Variants in ADAM22 observed in about 807,000 individuals in gnomAD.
ADAM22 encodes the protein disintegrin and metalloproteinase domain-containing protein 22.
A neutral mutation model predicts 144.6 loss-of-function variants in ADAM22; 65 were observed. That is an observed-to-expected ratio of 0.45 (90% CI 0.37 to 0.55). ADAM22 has a LOEUF of 0.55. Ranked by LOEUF, ADAM22 falls within the 20% of genes least tolerant of loss-of-function variation. The probability of loss-of-function intolerance (pLI) is 0.00; values close to 1 mark genes in which losing one functional copy is unlikely to be tolerated. For synonymous variants in ADAM22, 391 were observed against 412.6 expected (o/e 0.95, Z 0.63); for missense variants, 974 against 1,184.9 (o/e 0.82, Z 2.61).
chr7:87,963,617 G>A (rs1420192758), intron 2 of ADAM22, among the ~76,000 whole-genome samples: 1 of 152,064 alleles, frequency 6.6e-6, no homozygotes, highest in Admixed American at 6.6e-5. Flanking sequence ...TACAGAGTCC[G>A]ATTTATTCAG....
chr7:88,011,989 G>A (rs1033270294), intron 3 of ADAM22, among the ~76,000 whole-genome samples: 1 of 150,830 alleles, frequency 6.6e-6, no homozygotes, highest in East Asian at 1.9e-4. Context: ...TCACACCTTT[G>A]GAGATTGTCC....
intron 26 of ADAM22, 34 bp downstream of exon 26, chr7:88,171,595 A>C: frequency 6.4e-7 from 1 of 1,555,080 alleles, no homozygotes; most frequent in Non-Finnish European, 8.7e-7. Context: ...CATAAAACTG[A>C]AAGGTTTGAC....
intron 7 of ADAM22, among the ~76,000 whole-genome samples, chr7:88,121,666 C>A (rs1378728526): frequency 6.6e-6 from 1 of 152,060 alleles, no homozygotes; most frequent in Non-Finnish European, 1.5e-5. Context: ...GGCTGCCCCC[C>A]ACCAACCTGG....
intron 3 of ADAM22, among the ~76,000 whole-genome samples, chr7:88,058,353 T>C (rs1349019994): frequency 3.9e-5 from 6 of 152,246 alleles, no homozygotes; most frequent in Non-Finnish European, 5.9e-5. Context: ...TTTTGTTTTA[T>C]TTTGTTTCAC....
intron 3 of ADAM22, among the ~76,000 whole-genome samples, chr7:87,999,281 T>C (rs1791969891): frequency 6.6e-6 from 1 of 152,200 alleles, no homozygotes; most frequent in Non-Finnish European, 1.5e-5. Context: ...GAAGATAACA[T>C]TTATGAAACA....
chr7:88,189,763 G>A (rs1466185808), intron 30 of ADAM22, among the ~76,000 whole-genome samples: 1 of 152,054 alleles, frequency 6.6e-6, no homozygotes, highest in East Asian at 1.9e-4. Context: ...GGCCAACATG[G>A]TGAAACCCCA....
intron 4 of ADAM22, among the ~76,000 whole-genome samples, chr7:88,104,173 A>G (rs1202642049): frequency 6.6e-6 from 1 of 152,162 alleles, no homozygotes; most frequent in Non-Finnish European, 1.5e-5. Context: ...ATGGAATAGT[A>G]TGCCATCATT....
At chr7:88,002,766 G>A (rs765245883) in intron 3 of ADAM22, among the ~76,000 whole-genome samples, 1 of 152,154 alleles carries the variant, frequency 6.6e-6, no homozygotes, top group Non-Finnish European at 1.5e-5. Flanking sequence ...ATCATAGTTA[G>A]TGATACTAAC....
chr7:88,084,677 A>G (rs1421286189), intron 4 of ADAM22, among the ~76,000 whole-genome samples: 4 of 152,200 alleles, frequency 2.6e-5, no homozygotes, highest in African/African-American at 7.2e-5. Flanking sequence ...TTAATACATT[A>G]TAAATCAAAG....
intron 3 of ADAM22, among the ~76,000 whole-genome samples, chr7:87,983,086 G>T (rs1430161493): frequency 6.6e-6 from 1 of 151,830 alleles, no homozygotes; most frequent in Non-Finnish European, 1.5e-5. Context: ...ATTTATTGTA[G>T]CTTTATAATG....
At chr7:87,994,286 G>A (rs983287711) in intron 3 of ADAM22, among the ~76,000 whole-genome samples, 2 of 151,768 alleles carry the variant, frequency 1.3e-5, no homozygotes, top group African/African-American at 2.4e-5. Flanking sequence ...TCAGCCTCGT[G>A]AGTAGCTGGG....
intron 3 of ADAM22, among the ~76,000 whole-genome samples, chr7:87,980,661 G>A (rs1027829959): frequency 6.6e-6 from 1 of 152,000 alleles, no homozygotes; most frequent in Non-Finnish European, 1.5e-5. Flanking sequence ...TCTTCTTAAT[G>A]TTCAGTAAAT....
At chr7:88,053,415 G>T (rs1453335605) in intron 3 of ADAM22, among the ~76,000 whole-genome samples, 1 of 151,944 alleles carries the variant, frequency 6.6e-6, no homozygotes, top group Admixed American at 6.6e-5. Flanking sequence ...GCTGCAGCAA[G>T]CCATGATTGC....
Position 88,197,891 on chromosome 7 carries a change from G to A in ADAM22, c.*1400G>A, listed in dbSNP as rs575646398. 2 of 152,140 alleles carry A rather than the reference G, an allele frequency of 1.3e-5. No individual in the cohort carries two copies. The highest frequency in any genetic ancestry group is 2.4e-5 in the African/African-American group (1 of 41,418). 9.4% of individuals were successfully genotyped at this position (152,140 alleles called of 1,614,324 possible). On this transcript the variant is annotated 3_prime_UTR_variant, in exon 32 of 32. Transcript: ENST00000413139. ...TTACACTAACAGCTGGTGGGGGAAAGAATCTGATGCTTTGAAACATATATT... is the reference window on the plus strand; with the variant it reads ...TTACACTAACAGCTGGTGGGGGAAAAAATCTGATGCTTTGAAACATATATT...
At chr7:88,160,479 C>T (rs1370637667) in intron 22 of ADAM22, among the ~76,000 whole-genome samples, 2 of 152,030 alleles carry the variant, frequency 1.3e-5, no homozygotes, top group East Asian at 1.9e-4. Flanking sequence ...GCTACAGTAA[C>T]CAAAACAGCA....
intron 2 of ADAM22, among the ~76,000 whole-genome samples, chr7:87,948,614 A>C (rs1005308175): frequency 1.3e-5 from 2 of 152,182 alleles, no homozygotes; most frequent in Admixed American, 1.3e-4. Flanking sequence ...TTTGACAGTA[A>C]TCCATTGCTA....
intron 17 of ADAM22, among the ~76,000 whole-genome samples, chr7:88,148,225 A>G (rs1837165478): frequency 6.6e-6 from 1 of 152,174 alleles, no homozygotes; most frequent in Non-Finnish European, 1.5e-5. Context: ...GTAAGGATAC[A>G]GCCCTGAATG....
intron 25 of ADAM22, among the ~76,000 whole-genome samples, chr7:88,168,796 A>G (rs1843533771): frequency 6.6e-6 from 1 of 152,150 alleles, no homozygotes; most frequent in Non-Finnish European, 1.5e-5. Context: ...TATTCTGCTG[A>G]TCCTTGATGA....
intron 29 of ADAM22, chr7:88,186,329 C>T (rs756346939): frequency 1.3e-5 from 5 of 388,590 alleles, no homozygotes; most frequent in Non-Finnish European, 2.3e-5. Context: ...GCTGACTGTA[C>T]TGTGATTGAA....
Sources: allele counts gnomAD v4.1 joint callset (sites outside exome capture counted in the v4.1 genomes callset), GRCh38; gene constraint gnomAD v4.1.1; transcripts MANE v1.5; gene names NCBI Gene and HGNC (gene_info 2026-07-23, HGNC 2026-07-21).